The following ZBTB20 variants were observed in gnomAD, a reference collection of about 807,000 sequenced individuals.
The protein encoded by ZBTB20 is zinc finger and BTB domain containing 20.
Under a neutral mutation model 56.9 loss-of-function variants are expected in ZBTB20, and 9 were observed. The observed-to-expected ratio is 0.16, with a 90% confidence interval of 0.10 to 0.28. The LOEUF (loss-of-function observed/expected upper bound fraction) is 0.28, where lower values mean the gene tolerates loss of function less well. Among genes scored for constraint, ZBTB20 ranks in the 10% least tolerant of loss-of-function variants. The pLI is 1.00. For synonymous variants in ZBTB20, 417 were observed against 420.7 expected, an observed-to-expected ratio of 0.99 and a Z score of 0.11; for missense variants, 655 against 1,003.0, an observed-to-expected ratio of 0.65 and a Z score of 4.69.
chr3:114,892,655 C>CA (rs58206557), intron 4 of ZBTB20, among the ~76,000 whole-genome samples: 131,544 of 151,984 alleles, frequency 0.87, 57,968 homozygotes, highest in East Asian at 0.99. Flanking sequence ...TAGTGAGTTG[C>CA]AAAAAAACAA....
chr3:114,608,279 T>A (rs1035164275), intron 6 of ZBTB20, among the ~76,000 whole-genome samples: 2 of 152,158 alleles, frequency 1.3e-5, no homozygotes, highest in African/African-American at 2.4e-5. Context: ...ATAAATCATT[T>A]CCCCTATGTT....
intron 2 of ZBTB20, among the ~76,000 whole-genome samples, chr3:115,061,324 G>A (rs1474876382): frequency 1.3e-5 from 2 of 152,124 alleles, no homozygotes; most frequent in African/African-American, 4.8e-5. Context: ...TACTTTTCAG[G>A]ATTCCCTTAA....
chr3:114,788,200 A>AAT, intron 5 of ZBTB20, among the ~76,000 whole-genome samples: 1 of 152,212 alleles, frequency 6.6e-6, no homozygotes, highest in Non-Finnish European at 1.5e-5. Context: ...ATTGTGGTAA[A>AAT]ATATATATTA....
At chr3:114,818,654 T>C (rs2073077055) in intron 4 of ZBTB20, among the ~76,000 whole-genome samples, 1 of 151,982 alleles carries the variant, frequency 6.6e-6, no homozygotes, top group African/African-American at 2.4e-5. Flanking sequence ...AAATAAGGAT[T>C]CAGAAAATAG....
chr3:114,727,371 C>T (rs1034678002), intron 5 of ZBTB20, among the ~76,000 whole-genome samples: 1 of 152,166 alleles, frequency 6.6e-6, no homozygotes, highest in Non-Finnish European at 1.5e-5. Flanking sequence ...ACTGCCTGCC[C>T]CTTAATCCAC....
At chr3:115,138,498 A>G (rs1185566383) in intron 1 of ZBTB20, among the ~76,000 whole-genome samples, 12 of 152,068 alleles carry the variant, frequency 7.9e-5, no homozygotes, top group Admixed American at 7.9e-4. Flanking sequence ...TAAAATTGCC[A>G]TTATTAATCT....
intron 2 of ZBTB20, among the ~76,000 whole-genome samples, chr3:114,991,570 T>C (rs535144252): frequency 1.7e-3 from 265 of 152,298 alleles, no homozygotes; most frequent in African/African-American, 6.1e-3. Flanking sequence ...CTGAGAAGAA[T>C]GTATATTCTG....
chr3:114,705,097 G>A (rs1409760956), intron 5 of ZBTB20, among the ~76,000 whole-genome samples: 2 of 152,032 alleles, frequency 1.3e-5, no homozygotes, highest in Non-Finnish European at 2.9e-5. Flanking sequence ...AGCTAGTAAG[G>A]AAAAGGGCTG....
intron 6 of ZBTB20, among the ~76,000 whole-genome samples, chr3:114,689,300 T>C (rs1464085434): frequency 6.6e-6 from 1 of 152,192 alleles, no homozygotes; most frequent in Non-Finnish European, 1.5e-5. Flanking sequence ...TCTGATGATC[T>C]GAACAAACCA....
chr3:114,374,103 A>G (rs1350829252), intron 10 of ZBTB20, among the ~76,000 whole-genome samples: 1 of 152,206 alleles, frequency 6.6e-6, no homozygotes, highest in African/African-American at 2.4e-5. Flanking sequence ...TAAAGGGTAT[A>G]AAAGGTAACG....
At chr3:114,989,890 C>T (rs1022592167) in intron 2 of ZBTB20, among the ~76,000 whole-genome samples, 6 of 151,922 alleles carry the variant, frequency 3.9e-5, no homozygotes, top group African/African-American at 1.4e-4. Flanking sequence ...CACTCATGAT[C>T]TGGCTTTCTG....
intron 1 of ZBTB20, among the ~76,000 whole-genome samples, chr3:115,080,823 CA>C (rs1282253172): frequency 6.6e-6 from 1 of 151,908 alleles, no homozygotes; most frequent in African/African-American, 2.4e-5. Context: ...CTTGGAATAA[CA>C]AGTATGCAAG....
intron 1 of ZBTB20, among the ~76,000 whole-genome samples, chr3:115,072,879 C>T (rs568416657): frequency 1.3e-5 from 2 of 152,266 alleles, no homozygotes; most frequent in South Asian, 2.1e-4. Context: ...TAACCAGATG[C>T]GTGACTTTGT....
At chr3:114,518,039 T>C (rs1031139062) in intron 6 of ZBTB20, among the ~76,000 whole-genome samples, 1 of 152,092 alleles carries the variant, frequency 6.6e-6, no homozygotes, top group African/African-American at 2.4e-5. Context: ...TATATCCTCA[T>C]AAGAATACAT....
Position 114,328,953 on chromosome 3 carries a change from A to G in ZBTB20, c.*10052T>C. On this transcript the variant is annotated 3_prime_UTR_variant, in exon 12 of 12. Coordinates refer to ENST00000675478, the MANE Select transcript of ZBTB20 (RefSeq NM_001348800.3). ...GGATATTATGTGATCATTAGAGAAG[A>G]AACAGCCTCACTAACAGTCAATTCA... 1 of 152,248 alleles carries G rather than the reference A, an allele frequency of 6.6e-6. No homozygotes were observed. Among genetic ancestry groups the G allele is most frequent in the South Asian group, 2.1e-4 (1 of 4,834 alleles). 9.4% of individuals were successfully genotyped at this position (152,248 alleles called of 1,614,324 possible).
intron 1 of ZBTB20, among the ~76,000 whole-genome samples, chr3:115,136,475 T>TTAAGAACTGCAGTTAAGA (rs761701748): frequency 0.011 from 1,615 of 152,226 alleles, 11 homozygotes; most frequent in South Asian, 0.025. Flanking sequence ...CAGTTAAGTG[T>TTAAGAACTGCAGTTAAGA]ACTATAATTC....
chr3:114,550,754 G>T (rs1046648626), intron 6 of ZBTB20, among the ~76,000 whole-genome samples: 1 of 151,928 alleles, frequency 6.6e-6, no homozygotes, highest in Non-Finnish European at 1.5e-5. Flanking sequence ...CCAAGATATA[G>T]TTTGTTTGTT....
chr3:114,596,283 T>G (rs1328891215), intron 6 of ZBTB20, among the ~76,000 whole-genome samples: 1 of 152,180 alleles, frequency 6.6e-6, no homozygotes, highest in Non-Finnish European at 1.5e-5. Context: ...TCTTAAAAAG[T>G]ACTGCCTATA....
intron 6 of ZBTB20, among the ~76,000 whole-genome samples, chr3:114,623,304 C>T (rs999535776): frequency 6.6e-6 from 1 of 152,166 alleles, no homozygotes; most frequent in Admixed American, 6.6e-5. Context: ...AGACAGGATG[C>T]AACCATCCCC....
Sources: gnomAD v4.1 joint callset for allele counts (sites outside exome capture counted in the v4.1 genomes callset) on GRCh38, gnomAD v4.1.1 for gene constraint, MANE v1.5 for transcripts, NCBI Gene and HGNC (gene_info 2026-07-23, HGNC 2026-07-21) for gene names.